PNPLA8: variants seen among roughly 807,000 people sequenced by gnomAD.
The protein encoded by PNPLA8 is calcium-independent phospholipase A2-gamma.
In PNPLA8, 39 loss-of-function variants were observed where a neutral mutation model predicts 76.9. The observed-to-expected ratio is 0.51, with a 90% CI of 0.39 to 0.66. The LOEUF (loss-of-function observed/expected upper bound fraction) is 0.66. PNPLA8 is among the 30% of genes least tolerant of loss of function. PNPLA8 has a pLI of 0.00. For missense variants in PNPLA8, 887 were observed against 918.0 expected (o/e 0.97, Z 0.44); for synonymous variants, 301 against 307.9 (o/e 0.98, Z 0.24).
At chr7:108,490,449 G>T (rs1006370929) in intron 8 of PNPLA8, among the ~76,000 whole-genome samples, 3 of 152,220 alleles carry the variant, frequency 2.0e-5, no homozygotes, top group Non-Finnish European at 4.4e-5. Context: ...ATGCATGATT[G>T]TATTGTATCT....
chr7:108,475,590 C>A (rs1383455153), intron 10 of PNPLA8, among the ~76,000 whole-genome samples: 2 of 152,014 alleles, frequency 1.3e-5, no homozygotes, highest in Non-Finnish European at 2.9e-5. Flanking sequence ...TCTTTAATTT[C>A]TCTCAGTAAT....
rs1428420940 is a variant in PNPLA8, at chr7:108,479,392, A to T, written c.1879-13T>A. 2 of 1,577,490 alleles carry T rather than the reference A, an allele frequency of 1.3e-6. No homozygotes were observed. Among genetic ancestry groups the T allele is most frequent in the Admixed American group, 3.6e-5 (2 of 54,842 alleles). ...GCAAACCTCCATCCTGCAAAATACAAGTTAAAAAAAGAAACTTTTAAAACT... is the reference window on the plus strand; with the variant it reads ...GCAAACCTCCATCCTGCAAAATACATGTTAAAAAAAGAAACTTTTAAAACT... On this transcript the variant is annotated splice_polypyrimidine_tract_variant and intron_variant, in intron 9 of 10. Coordinates refer to ENST00000257694, the MANE Select transcript of PNPLA8 (RefSeq NM_001256007.3).
intron 9 of PNPLA8, among the ~76,000 whole-genome samples, chr7:108,481,593 A>G (rs1300279659): frequency 1.3e-5 from 2 of 152,114 alleles, no homozygotes; most frequent in Non-Finnish European, 2.9e-5. Context: ...CCTTTGTTGG[A>G]CATGTGAATT....
Position 108,515,067 on chromosome 7 carries a change from C to G in PNPLA8, c.425G>C (p.Ser142Thr). The change falls in exon 3 of 11, where the codon AGT becomes ACT. Residue 142 changes from serine (S) to threonine (T), a missense_variant. Transcript: ENST00000257694. The stretch of plus-strand genomic sequence containing the variant: ...GATGTTTTTCTGTTTTAACCAGCCA[C>G]TATCCGATACTTTTCTTAAAATTTG... The part of the protein sequence containing the change: ...SSQILRKVSD[S>T]GWLKQKNIKQ... The G allele has an allele frequency of 1.2e-6, 2 of 1,603,650 alleles. No homozygotes were observed. Among genetic ancestry groups the G allele is most frequent in the South Asian group, 2.2e-5 (2 of 90,134 alleles).
chr7:108,490,312 T>C (rs1861051680), intron 8 of PNPLA8, among the ~76,000 whole-genome samples: 1 of 152,268 alleles, frequency 6.6e-6, no homozygotes, highest in East Asian at 1.9e-4. Context: ...CTATAGGCTA[T>C]ACCATTTAGC....
At position 108,471,407 on chromosome 7, in the gene PNPLA8, G is replaced by T. The variant is rs1285181097; in HGVS notation, c.*994C>A. 1 of 151,858 alleles carries T rather than the reference G, an allele frequency of 6.6e-6. No individual in the cohort carries two copies. The highest frequency in any genetic ancestry group is 6.6e-5 in the Admixed American group (1 of 15,232). 9.4% of individuals were successfully genotyped at this position (151,858 alleles called of 1,614,324 possible). On this transcript the variant is annotated 3_prime_UTR_variant, in exon 11 of 11. Coordinates refer to ENST00000257694, the MANE Select transcript of PNPLA8 (RefSeq NM_001256007.3). ...TGTTTGTATTTTTATTAGAGACGAGGTTTCACCGTGTTGGCCAGGCTGGTC... is the reference window on the plus strand; with the variant it reads ...TGTTTGTATTTTTATTAGAGACGAGTTTTCACCGTGTTGGCCAGGCTGGTC...
At chr7:108,491,836 T>G (rs921410511) in intron 7 of PNPLA8, among the ~76,000 whole-genome samples, 3 of 152,188 alleles carry the variant, frequency 2.0e-5, no homozygotes, top group Non-Finnish European at 2.9e-5. Context: ...AAATCTGTTG[T>G]TTTCAGGGTC....
rs6964729 is a variant in PNPLA8, at chr7:108,510,513, T to C, written c.1206+3631A>G. ...CCCAAACTGGCATTTGTCATCAGAA[T>C]CAGAGGTATCAGTGGCGTGAGCCCA... On this transcript the variant is annotated intron_variant, in intron 4 of 10. Transcript: ENST00000257694. 2.0e-4 allele frequency: 273 copies of C among 1,368,772 alleles called. No homozygotes were observed. The African/African-American group carries it at 3.5e-3, about 17-fold the overall frequency. 84.8% of individuals were successfully genotyped at this position (1,368,772 alleles called of 1,614,324 possible).
At chr7:108,491,769 G>A (rs1861185817) in intron 7 of PNPLA8, among the ~76,000 whole-genome samples, 2 of 152,210 alleles carry the variant, frequency 1.3e-5, no homozygotes, top group African/African-American at 4.8e-5. Flanking sequence ...TTGAAAGACT[G>A]CAAGGCAACA....
At position 108,472,097 on chromosome 7, in the gene PNPLA8, T is replaced by C. The variant is rs1348970472; in HGVS notation, c.*304A>G. Reference sequence around the variant, plus strand: ...AGCTTTCGGTTTCTTGTTCGGCACATATATTAATATATTTTCAAACATCAA... The same window carrying C: ...AGCTTTCGGTTTCTTGTTCGGCACACATATTAATATATTTTCAAACATCAA... On this transcript the variant is annotated 3_prime_UTR_variant, in exon 11 of 11. Transcript: ENST00000257694. The C allele has an allele frequency of 6.3e-5, 12 of 191,524 alleles. No individual in the cohort carries two copies. Among genetic ancestry groups the C allele is most frequent in the Admixed American group, 6.0e-4 (10 of 16,576 alleles). 11.9% of individuals were successfully genotyped at this position (191,524 alleles called of 1,614,324 possible).
rs1420779489 is a variant in PNPLA8 at position 108,474,249 on chromosome 7, A to T, written c.2075-1574T>A. 3.9e-5 allele frequency among the ~76,000 whole-genome samples: 6 copies of T among 152,182 alleles called. No homozygotes were observed. The South Asian group carries it at 8.3e-4, about 21-fold the overall frequency. On this transcript the variant is annotated intron_variant, in intron 10 of 10. Transcript: ENST00000257694. ...AAAAAAATCTTTACCCAAGGTCATT[A>T]AGATTTTCTCCAGCATATTCTTCTA... is the stretch of plus-strand genomic sequence containing the variant.
rs1284388392 is a variant in PNPLA8, at chr7:108,492,830, A to G, written c.1626-1363T>C. Among the ~76,000 whole-genome samples the G allele has an allele frequency of 2.6e-5, 4 of 152,366 alleles. No homozygotes were observed. In the East Asian group the frequency reaches 5.8e-4, roughly 22 times the overall value. The stretch of plus-strand genomic sequence containing the variant: ...GAATCACAGTCCTGGTATCCATGTC[A>G]TTGTATACAGTCTCTTCCTATACAG... On this transcript the variant is annotated intron_variant, in intron 7 of 10. Transcript: ENST00000257694.
chr7:108,472,277 T>C lies in PNPLA8; in HGVS notation c.*124A>G, dbSNP rs554196946. ...GCAAGCTGGTTGAAGCACCGTCTTT[T>C]TCAGGATTCTCCAGAATTCATACGT... On this transcript the variant is annotated 3_prime_UTR_variant, in exon 11 of 11. Transcript: ENST00000257694. 23 of 678,552 alleles carry C rather than the reference T, an allele frequency of 3.4e-5. No homozygotes were observed. The highest frequency in any genetic ancestry group is 5.5e-5 in the Non-Finnish European group (22 of 401,970). The allele number at this position is 678,552 out of a possible 1,614,324, so 42.0% of individuals were successfully genotyped here.
chr7:108,526,702 T>C (rs1002637978), upstream of PNPLA8, among the ~76,000 whole-genome samples: 6 of 152,156 alleles, frequency 3.9e-5, no homozygotes, highest in Admixed American at 2.6e-4. Context: ...CGAGTTGACA[T>C]ATATTACTGT....
At chr7:108,510,456 G>C in intron 4 of PNPLA8, 1 of 1,449,162 alleles carries the variant, frequency 6.9e-7, no homozygotes, top group Non-Finnish European at 9.6e-7. Context: ...AGGATGGCAA[G>C]AAAAGCTGGC....
In PNPLA8 at chr7:108,472,445, T is replaced by C. The variant is rs1329344722; in HGVS notation, c.2305A>G (p.Lys769Glu). Residue 769 changes from lysine to glutamate, a missense_variant, in exon 11 of 11, where the codon AAA (lysine) becomes GAA (glutamate). Transcript: ENST00000257694. ...GGAAGTCCTTCATACATATCAGTTTTTAATTTTATCCAATCATTAATTTTC... is the reference window on the plus strand; with the variant it reads ...GGAAGTCCTTCATACATATCAGTTTCTAATTTTATCCAATCATTAATTTTC... The part of the protein sequence containing the change: ...LQKINDWIKL[K>E]TDMYEGLPFF... 1.3e-6 allele frequency: 2 copies of C among 1,597,188 alleles called. No homozygotes were observed. The highest frequency in any genetic ancestry group is 1.7e-6 in the Non-Finnish European group (2 of 1,171,000).
intron 4 of PNPLA8, among the ~76,000 whole-genome samples, chr7:108,509,988 G>A (rs1185648970): frequency 1.6e-4 from 22 of 135,992 alleles, no homozygotes; most frequent in African/African-American, 5.9e-4. Flanking sequence ...GAGAACACAC[G>A]GACACAGGAA....
intron 4 of PNPLA8, 35 bp from the exon 5 acceptor site, chr7:108,502,677 T>A: frequency 6.6e-7 from 1 of 1,526,268 alleles, no homozygotes; most frequent in Non-Finnish European, 9.0e-7. Flanking sequence ...GTTGCTTTTG[T>A]CAAATCAAGA....
At chr7:108,500,273 T>C (rs1340484085) in intron 5 of PNPLA8, among the ~76,000 whole-genome samples, 8 of 152,116 alleles carry the variant, frequency 5.3e-5, no homozygotes, top group Non-Finnish European at 1.0e-4. Flanking sequence ...TAACTGCCAT[T>C]TTCCCTATTT....
Sources: gnomAD v4.1 joint callset for allele counts (sites outside exome capture counted in the v4.1 genomes callset) on GRCh38, gnomAD v4.1.1 for gene constraint, MANE v1.5 for transcripts, NCBI Gene and HGNC (gene_info 2026-07-23, HGNC 2026-07-21) for gene names.